Variants in PTPRG observed in about 807,000 individuals in gnomAD.
PTPRG encodes receptor-type tyrosine-protein phosphatase gamma.
In PTPRG, 102 loss-of-function variants were observed where a neutral mutation model predicts 165.3. That is an observed-to-expected ratio of 0.62 (90% CI 0.53 to 0.73). PTPRG has a LOEUF of 0.73. Among genes scored for constraint, PTPRG ranks in the 30% least tolerant of loss-of-function variants. The pLI, the probability that PTPRG is intolerant of heterozygous loss-of-function variation, is 0.00. For synonymous variants in PTPRG, 675 were observed against 669.5 expected, an observed-to-expected ratio of 1.01 and a Z score of -0.13; for missense variants, 1,866 against 1,861.4, an observed-to-expected ratio of 1.00 and a Z score of -0.05.
intron 2 of PTPRG, among the ~76,000 whole-genome samples, chr3:61,971,530 A>C (rs2040383748): frequency 6.6e-6 from 1 of 152,220 alleles, no homozygotes; most frequent in South Asian, 2.1e-4. Context: ...ACCATATTTG[A>C]ACTAAAACTC....
chr3:61,744,449 T>G (rs1379382290), intron 1 of PTPRG, among the ~76,000 whole-genome samples: 3 of 152,246 alleles, frequency 2.0e-5, no homozygotes, highest in Non-Finnish European at 2.9e-5. Flanking sequence ...TACAAACCTG[T>G]ACAATGTGTT....
chr3:62,116,006 T>C (rs1218814289), intron 5 of PTPRG, among the ~76,000 whole-genome samples: 1 of 152,262 alleles, frequency 6.6e-6, no homozygotes, highest in Non-Finnish European at 1.5e-5. Flanking sequence ...AAGTGGATTA[T>C]TGTAGCAACT....
At chr3:61,708,355 T>C (rs1425708031) in intron 1 of PTPRG, among the ~76,000 whole-genome samples, 1 of 151,240 alleles carries the variant, frequency 6.6e-6, no homozygotes, top group Non-Finnish European at 1.5e-5. Flanking sequence ...ATGAGGACAC[T>C]GGGCACCTTT....
intron 1 of PTPRG, among the ~76,000 whole-genome samples, chr3:61,567,258 G>T (rs564561524): frequency 6.6e-6 from 1 of 152,296 alleles, no homozygotes; most frequent in East Asian, 1.9e-4. Flanking sequence ...AGCCACTGAC[G>T]AGGTAGAGGG....
chr3:61,961,306 T>TA (rs1380685075), intron 2 of PTPRG, among the ~76,000 whole-genome samples: 63 of 152,218 alleles, frequency 4.1e-4, no homozygotes, highest in African/African-American at 1.5e-3. Flanking sequence ...TGTTTCCAAA[T>TA]AATACCTTTA....
At chr3:62,200,968 G>A (rs1700083666) in intron 10 of PTPRG, among the ~76,000 whole-genome samples, 1 of 152,192 alleles carries the variant, frequency 6.6e-6, no homozygotes, top group East Asian at 1.9e-4. Context: ...AGGAACAATG[G>A]TGTAATACGA....
At chr3:61,959,782 G>A (rs901537268) in intron 2 of PTPRG, among the ~76,000 whole-genome samples, 1 of 152,180 alleles carries the variant, frequency 6.6e-6, no homozygotes, top group African/African-American at 2.4e-5. Context: ...ACACCCTAAT[G>A]CTTGATCAGT....
At chr3:61,752,793 A>AAAAAAAAAG (rs1347501302) in intron 2 of PTPRG, among the ~76,000 whole-genome samples, 11 of 80,358 alleles carry the variant, frequency 1.4e-4, no homozygotes, top group Non-Finnish European at 2.2e-4. Context: ...CTCAAAAAAA[A>AAAAAAAAAG]AAAAAAAAGA....
chr3:62,159,020 T>G (rs1188156910), intron 7 of PTPRG, among the ~76,000 whole-genome samples: 1 of 152,136 alleles, frequency 6.6e-6, no homozygotes, highest in African/African-American at 2.4e-5. Context: ...TAATAAATAC[T>G]TTTGTCTTGA....
intron 1 of PTPRG, among the ~76,000 whole-genome samples, chr3:61,726,236 T>A (rs1341345509): frequency 2.0e-5 from 3 of 152,192 alleles, no homozygotes; most frequent in Non-Finnish European, 4.4e-5. Flanking sequence ...TGGCTTTGTT[T>A]TGGGGCTTCC....
At chr3:61,724,572 C>A (rs531582993) in intron 1 of PTPRG, among the ~76,000 whole-genome samples, 1 of 152,112 alleles carries the variant, frequency 6.6e-6, no homozygotes, top group Admixed American at 6.5e-5. Flanking sequence ...CCAGGCTCTT[C>A]CAGAGTACCT....
chr3:62,269,400 G>A (rs1296689774), intron 20 of PTPRG, among the ~76,000 whole-genome samples: 2 of 152,054 alleles, frequency 1.3e-5, no homozygotes, highest in Non-Finnish European at 2.9e-5. Flanking sequence ...ACATGAACAG[G>A]CTTCATTTTT....
At chr3:61,936,666 A>T (rs78926160) in intron 2 of PTPRG, among the ~76,000 whole-genome samples, 160 of 152,220 alleles carry the variant, frequency 1.1e-3, no homozygotes, top group African/African-American at 3.7e-3. Context: ...TAACATGTCT[A>T]CTATGAAAGG....
intron 2 of PTPRG, among the ~76,000 whole-genome samples, chr3:61,963,251 A>G (rs999905622): frequency 1.3e-5 from 2 of 152,194 alleles, no homozygotes; most frequent in African/African-American, 4.8e-5. Context: ...TTTTATATGT[A>G]TCTGTCAATA....
intron 2 of PTPRG, among the ~76,000 whole-genome samples, chr3:61,915,356 C>G: frequency 6.6e-6 from 1 of 152,176 alleles, no homozygotes; most frequent in African/African-American, 2.4e-5. Context: ...GTGTTTCTCC[C>G]CCTATTTTCC....
At chr3:62,250,317 C>T (rs765008180) in intron 15 of PTPRG, among the ~76,000 whole-genome samples, 1 of 152,174 alleles carries the variant, frequency 6.6e-6, no homozygotes, top group Non-Finnish European at 1.5e-5. Context: ...CTTCCTGATA[C>T]ACAGCAAGCA....
chr3:61,935,691 CTTTTT>C (rs58158573), intron 2 of PTPRG, among the ~76,000 whole-genome samples: 2 of 139,134 alleles, frequency 1.4e-5, no homozygotes, highest in Non-Finnish European at 3.1e-5. Flanking sequence ...AGTCCCTTAC[CTTTTT>C]TTTTTTTTAA....
At chr3:62,028,270 C>T (rs941188327) in intron 4 of PTPRG, among the ~76,000 whole-genome samples, 4 of 152,090 alleles carry the variant, frequency 2.6e-5, no homozygotes, top group Admixed American at 1.3e-4. Flanking sequence ...GTGACATCTA[C>T]ATTACTCTGG....
At chr3:62,249,177 T>C (rs1005038886) in intron 15 of PTPRG, among the ~76,000 whole-genome samples, 2 of 152,214 alleles carry the variant, frequency 1.3e-5, no homozygotes, top group Non-Finnish European at 2.9e-5. Flanking sequence ...ATTTGTTGTG[T>C]CCTAACTCAG....
Sources: gnomAD v4.1 joint callset for allele counts (sites outside exome capture counted in the v4.1 genomes callset) on GRCh38, gnomAD v4.1.1 for gene constraint, MANE v1.5 for transcripts, NCBI Gene and HGNC (gene_info 2026-07-23, HGNC 2026-07-21) for gene names.